The following MAN1A2 variants were observed in gnomAD, a reference collection of about 807,000 sequenced individuals.
The protein encoded by MAN1A2 is mannosidase alpha class 1A member 2.
In MAN1A2, 26 loss-of-function variants were observed where a neutral mutation model predicts 75.7. The ratio of observed to expected loss-of-function variants is 0.34; its 90% confidence interval spans 0.25 to 0.48. MAN1A2 has a LOEUF of 0.48. Among genes scored for constraint, MAN1A2 ranks in the 20% least tolerant of loss-of-function variants. The probability of loss-of-function intolerance (pLI) is 0.99; values close to 1 mark genes in which losing one functional copy is unlikely to be tolerated. For missense variants in MAN1A2, 562 were observed against 775.5 expected, an observed-to-expected ratio of 0.72 and a Z score of 3.27; for synonymous variants, 247 against 264.6, an observed-to-expected ratio of 0.93 and a Z score of 0.65.
At chr1:117,442,391 T>G in intron 6 of MAN1A2, 66 bp downstream of exon 6, 4 of 999,376 alleles carry the variant, frequency 4.0e-6, no homozygotes, top group Non-Finnish European at 6.4e-6. Flanking sequence ...TAGAAATTTC[T>G]AATGAGTCAC....
intron 8 of MAN1A2, among the ~76,000 whole-genome samples, chr1:117,486,998 A>G (rs1650727502): frequency 6.6e-6 from 1 of 152,064 alleles, no homozygotes; most frequent in South Asian, 2.1e-4. Flanking sequence ...TTGGGAACAT[A>G]TTAAGCCTAT....
chr1:117,503,944 T>G (rs1167671220), intron 12 of MAN1A2, among the ~76,000 whole-genome samples: 1 of 151,664 alleles, frequency 6.6e-6, no homozygotes, highest in African/African-American at 2.4e-5. Flanking sequence ...TAGAATCATC[T>G]GCTTCCTCCT....
intron 8 of MAN1A2, among the ~76,000 whole-genome samples, chr1:117,489,913 T>G (rs1650827670): frequency 6.6e-6 from 1 of 151,654 alleles, no homozygotes; most frequent in South Asian, 2.1e-4. Context: ...ACTGTATGAG[T>G]GAATGAGGGT....
intron 6 of MAN1A2, among the ~76,000 whole-genome samples, chr1:117,455,312 A>C (rs887693904): frequency 4.4e-4 from 67 of 152,140 alleles, no homozygotes; most frequent in Non-Finnish European, 5.7e-4. Context: ...ATCAGTAGTG[A>C]GAGGAAGCAA....
intron 5 of MAN1A2, among the ~76,000 whole-genome samples, chr1:117,423,722 C>T (rs1211839648): frequency 2.0e-5 from 3 of 151,914 alleles, no homozygotes; most frequent in Admixed American, 6.6e-5. Flanking sequence ...TTTGTTTCTT[C>T]TAGAAAACTT....
At chr1:117,464,203 CA>C (rs1486551406) in intron 7 of MAN1A2, among the ~76,000 whole-genome samples, 1 of 151,256 alleles carries the variant, frequency 6.6e-6, no homozygotes, top group Admixed American at 6.6e-5. Flanking sequence ...ACTTCTCTAC[CA>C]AAAATTAGCC....
intron 12 of MAN1A2, among the ~76,000 whole-genome samples, chr1:117,507,885 T>C (rs1377498814): frequency 6.6e-6 from 1 of 151,726 alleles, no homozygotes; most frequent in Non-Finnish European, 1.5e-5. Context: ...GTCTTATTCA[T>C]TGGATTCAGT....
rs547467277 is a variant in MAN1A2 at position 117,455,355 on chromosome 1, T to A, written c.951-5134T>A. Among the ~76,000 whole-genome samples the A allele has an allele frequency of 3.0e-4, 45 of 152,132 alleles. No individual in the cohort carries two copies. The South Asian group carries it at 9.1e-3, about 31-fold the overall frequency. On this transcript the variant is annotated intron_variant, in intron 6 of 12. Transcript: ENST00000356554. ...ATTGTTTGAGACTTGGTGGAGGAAG[T>A]GTGTGTGTTGATTGCAAAAGGGATA...
At chr1:117,434,554 TACCGTTTG>T (rs1242790789) in intron 5 of MAN1A2, among the ~76,000 whole-genome samples, 4 of 152,192 alleles carry the variant, frequency 2.6e-5, no homozygotes, top group African/African-American at 9.6e-5. Flanking sequence ...TTAATTGCAG[TACCGTTTG>T]TAGTAGAAAA....
chr1:117,403,900 G>A (rs1647525309), intron 2 of MAN1A2, among the ~76,000 whole-genome samples: 1 of 152,162 alleles, frequency 6.6e-6, no homozygotes, highest in South Asian at 2.1e-4. Context: ...TGTGTCAACT[G>A]TAGGTTTTTT....
intron 10 of MAN1A2, among the ~76,000 whole-genome samples, chr1:117,498,085 T>A (rs967766514): frequency 6.6e-6 from 1 of 151,864 alleles, no homozygotes; most frequent in African/African-American, 2.4e-5. Context: ...CTTGAAAGAA[T>A]ATAAGTCAAG....
chr1:117,446,850 C>T (rs12729810), intron 6 of MAN1A2, among the ~76,000 whole-genome samples: 25,186 of 151,972 alleles, frequency 0.17, 2,559 homozygotes, highest in African/African-American at 0.26. Flanking sequence ...TTGTTTTATG[C>T]ATTCCTGAAA....
At chr1:117,501,565 T>C (rs185636221) in intron 11 of MAN1A2, among the ~76,000 whole-genome samples, 10 of 151,914 alleles carry the variant, frequency 6.6e-5, no homozygotes, top group South Asian at 2.1e-4. Flanking sequence ...TACTTTCTTA[T>C]TATTCTTAAA....
In MAN1A2 at chr1:117,525,526, A is replaced by T. The variant is rs1408056592; in HGVS notation, c.*2569A>T. 6.4e-6 allele frequency: 1 copy of T among 157,092 alleles called. No homozygotes were observed. The highest frequency in any genetic ancestry group is 2.4e-5 in the African/African-American group (1 of 41,480). The allele number at this position is 157,092 out of a possible 1,614,324, so 9.7% of individuals were successfully genotyped here. A position where few individuals can be genotyped will look rare whatever the true frequency, so the allele number is the denominator to read the frequency against. Reference sequence around the variant, plus strand: ...CTCAGGTTAAATATTCATTGCATTTATAAGATCTTCTGCAAAAAGCCCAGA... The same window carrying T: ...CTCAGGTTAAATATTCATTGCATTTTTAAGATCTTCTGCAAAAAGCCCAGA... On this transcript the variant is annotated 3_prime_UTR_variant, in exon 13 of 13. Coordinates refer to ENST00000356554, the MANE Select transcript of MAN1A2 (RefSeq NM_006699.5).
In MAN1A2 at chr1:117,390,730, CT is replaced by C. The variant is rs145191597; in HGVS notation, c.303-11455del. Reference sequence around the variant, plus strand: ...TCTTGATATAAGATCTTTTTTCCCCCTAATATAGATTGGTTAATGCTATAAT... The same window carrying C: ...TCTTGATATAAGATCTTTTTTCCCCCAATATAGATTGGTTAATGCTATAAT... On this transcript the variant is annotated intron_variant, in intron 1 of 12. Coordinates refer to ENST00000356554, the MANE Select transcript of MAN1A2 (RefSeq NM_006699.5). 4.2e-4 allele frequency among the ~76,000 whole-genome samples: 64 copies of C among 151,766 alleles called. No individual in the cohort carries two copies. In the East Asian group the frequency reaches 5.0e-3, roughly 12 times the overall value.
At chr1:117,389,179 C>T (rs941191298) in intron 1 of MAN1A2, among the ~76,000 whole-genome samples, 1 of 152,192 alleles carries the variant, frequency 6.6e-6, no homozygotes, top group African/African-American at 2.4e-5. Flanking sequence ...GAACGAGTTA[C>T]TATGTGCATG....
chr1:117,522,137 T>TA (rs1340057912), intron 12 of MAN1A2, among the ~76,000 whole-genome samples: 2 of 151,830 alleles, frequency 1.3e-5, no homozygotes, highest in African/African-American at 2.4e-5. Flanking sequence ...CTAAAGAACT[T>TA]ACTCATGTAA....
chr1:117,515,830 A>T (rs1651698745), intron 12 of MAN1A2: 1 of 152,146 alleles, frequency 6.6e-6, no homozygotes, highest in African/African-American at 2.4e-5. Context: ...GGGAATGGAA[A>T]TGAGTTTTAG....
chr1:117,489,412 T>G (rs1650809947), intron 8 of MAN1A2, among the ~76,000 whole-genome samples: 1 of 152,110 alleles, frequency 6.6e-6, no homozygotes, highest in Non-Finnish European at 1.5e-5. Context: ...TCTCACTGTT[T>G]TAATTTGCCT....
Sources: allele counts gnomAD v4.1 joint callset (sites outside exome capture counted in the v4.1 genomes callset), GRCh38; gene constraint gnomAD v4.1.1; transcripts MANE v1.5; gene names NCBI Gene and HGNC (gene_info 2026-07-23, HGNC 2026-07-21).